LRMDA: variants seen among roughly 807,000 people sequenced by gnomAD.
The protein encoded by LRMDA is leucine-rich melanocyte differentiation-associated protein.
In LRMDA, 18 loss-of-function variants were observed where a neutral mutation model predicts 29.8. The observed-to-expected ratio is 0.60, with a 90% CI of 0.42 to 0.90. The LOEUF is 0.90. Ranked by LOEUF, LRMDA falls within the 40% of genes least tolerant of loss-of-function variation. LRMDA has a pLI of 0.00. For missense variants in LRMDA, 273 were observed against 273.9 expected (o/e 1.00, Z 0.02); for synonymous variants, 125 against 109.4 (o/e 1.14, Z -0.89).
intron 2 of LRMDA, among the ~76,000 whole-genome samples, chr10:75,869,750 C>T (rs953584948): frequency 5.9e-5 from 9 of 152,152 alleles, no homozygotes; most frequent in Admixed American, 5.2e-4. Flanking sequence ...CCTGTCTTCC[C>T]CATCTCCCCT....
intron 2 of LRMDA, among the ~76,000 whole-genome samples, chr10:75,770,975 G>A (rs906972987): frequency 6.6e-6 from 1 of 151,926 alleles, no homozygotes; most frequent in African/African-American, 2.4e-5. Context: ...ACAATGGGGC[G>A]AGTGTGTAGA....
rs577274334 is a variant in LRMDA at position 75,515,908 on chromosome 10, A to T, written c.131+77414A>T. On this transcript the variant is annotated intron_variant, in intron 2 of 6. Transcript: ENST00000611255. ...TGTGATGTTCCTCGCCCTGTGTCCA[A>T]GTGTTCTCAGTGTTCAGTTCCCACC... Among the ~76,000 whole-genome samples, 214 of 151,980 alleles carry T rather than the reference A, an allele frequency of 1.4e-3. 2 individuals carry two copies. Among genetic ancestry groups the T allele is most frequent in the African/African-American group, 5.2e-3 (214 of 41,436 alleles).
At chr10:75,790,949 C>A (rs577020532) in intron 2 of LRMDA, among the ~76,000 whole-genome samples, 1 of 152,334 alleles carries the variant, frequency 6.6e-6, no homozygotes, top group South Asian at 2.1e-4. Context: ...TTCTGGGGAA[C>A]ACTGAGATCA....
intron 2 of LRMDA, among the ~76,000 whole-genome samples, chr10:75,804,330 G>A (rs1487402316): frequency 1.3e-5 from 2 of 152,200 alleles, no homozygotes; most frequent in Non-Finnish European, 2.9e-5. Context: ...GGAGTCGATA[G>A]CTCTCACCAC....
chr10:75,975,025 A>G (rs749045658), intron 2 of LRMDA, among the ~76,000 whole-genome samples: 1 of 152,244 alleles, frequency 6.6e-6, no homozygotes, highest in Non-Finnish European at 1.5e-5. Context: ...TGATCTACAG[A>G]TGCTATGGAA....
At chr10:76,509,131 CA>C (rs1366052121) in intron 6 of LRMDA, among the ~76,000 whole-genome samples, 2 of 152,292 alleles carry the variant, frequency 1.3e-5, no homozygotes, top group East Asian at 3.9e-4. Context: ...ACTCAGTATT[CA>C]TAAACACCCA....
At chr10:75,679,359 C>G (rs771739121) in intron 2 of LRMDA, among the ~76,000 whole-genome samples, 10 of 152,020 alleles carry the variant, frequency 6.6e-5, no homozygotes, top group South Asian at 4.2e-4. Context: ...TATTATTATA[C>G]CTAATTTGAA....
chr10:76,377,931 C>T (rs528356367), intron 6 of LRMDA, among the ~76,000 whole-genome samples: 10 of 152,062 alleles, frequency 6.6e-5, no homozygotes, highest in South Asian at 2.1e-4. Flanking sequence ...ATTGGTGATT[C>T]GGATTCGATA....
intron 2 of LRMDA, among the ~76,000 whole-genome samples, chr10:75,906,185 T>G (rs1033781209): frequency 2.6e-5 from 4 of 152,174 alleles, no homozygotes; most frequent in Non-Finnish European, 4.4e-5. Flanking sequence ...GGAATGAAAT[T>G]GCTCATACTT....
chr10:76,171,658 G>A (rs149930581), intron 5 of LRMDA, among the ~76,000 whole-genome samples: 2 of 152,328 alleles, frequency 1.3e-5, no homozygotes, highest in East Asian at 3.9e-4. Context: ...CCTGGAGGCT[G>A]TGGGTGATTC....
chr10:76,409,094 G>A (rs12774333), intron 6 of LRMDA, among the ~76,000 whole-genome samples: 47,537 of 152,078 alleles, frequency 0.31, 9,211 homozygotes, highest in Middle Eastern at 0.46. Context: ...ACCACTTTGT[G>A]TCACTTGTCC....
chr10:75,457,464 C>T (rs751608996), intron 2 of LRMDA, among the ~76,000 whole-genome samples: 1 of 152,190 alleles, frequency 6.6e-6, no homozygotes, highest in Admixed American at 6.5e-5. Context: ...TATGGGTTCT[C>T]CCATCAAACC....
chr10:75,611,545 C>T (rs916740795), intron 2 of LRMDA, among the ~76,000 whole-genome samples: 1 of 152,196 alleles, frequency 6.6e-6, no homozygotes, highest in Admixed American at 6.5e-5. Flanking sequence ...CCCCTCAGCC[C>T]CAGGCAGCCT....
At chr10:75,545,414 G>A (rs1375679061) in intron 2 of LRMDA, among the ~76,000 whole-genome samples, 1 of 152,170 alleles carries the variant, frequency 6.6e-6, no homozygotes, top group East Asian at 1.9e-4. Flanking sequence ...GGATCAAGAT[G>A]ATGGTTATAC....
chr10:76,055,063 C>CAAAAAA (rs531729040), intron 4 of LRMDA, among the ~76,000 whole-genome samples: 884 of 45,740 alleles, frequency 0.019, no homozygotes, highest in East Asian at 0.037. Flanking sequence ...GACTCCATCT[C>CAAAAAA]AAAAAAAAAA....
At chr10:76,356,210 A>G (rs1157677592) in intron 6 of LRMDA, among the ~76,000 whole-genome samples, 1 of 152,244 alleles carries the variant, frequency 6.6e-6, no homozygotes, top group Non-Finnish European at 1.5e-5. Flanking sequence ...GGTCATCGTC[A>G]TGGAGATGGT....
chr10:76,075,416 C>A (rs1848941119), intron 5 of LRMDA, among the ~76,000 whole-genome samples: 1 of 152,222 alleles, frequency 6.6e-6, no homozygotes, highest in Non-Finnish European at 1.5e-5. Context: ...CAGGAGAAAC[C>A]AGCCCTGTGG....
At chr10:76,243,610 T>C (rs1384891025) in intron 5 of LRMDA, among the ~76,000 whole-genome samples, 1 of 152,164 alleles carries the variant, frequency 6.6e-6, no homozygotes, top group African/African-American at 2.4e-5. Context: ...GGTCACAAAC[T>C]TTCTGGATAA....
At chr10:75,457,580 A>C (rs1470820104) in intron 2 of LRMDA, among the ~76,000 whole-genome samples, 1 of 152,234 alleles carries the variant, frequency 6.6e-6, no homozygotes, top group Admixed American at 6.5e-5. Context: ...AGGAGGAGAT[A>C]AAACTGTAGG....
Sources: allele counts gnomAD v4.1 joint callset (sites outside exome capture counted in the v4.1 genomes callset), GRCh38; gene constraint gnomAD v4.1.1; transcripts MANE v1.5; gene names NCBI Gene and HGNC (gene_info 2026-07-23, HGNC 2026-07-21).